Variants in DLGAP2 observed in about 807,000 individuals in gnomAD.
DLGAP2 encodes the protein disks large-associated protein 2.
DLGAP2 carries 26 observed loss-of-function variants against 100.3 expected under a neutral mutation model. The observed-to-expected ratio is 0.26, with a 90% CI of 0.19 to 0.36. DLGAP2 has a LOEUF of 0.36. DLGAP2 is among the 10% of genes least tolerant of loss of function. DLGAP2 has a pLI of 1.00. For missense variants in DLGAP2, 1,858 were observed against 1,453.2 expected, an observed-to-expected ratio of 1.28 and a Z score of -4.53; for synonymous variants, 886 against 630.1, an observed-to-expected ratio of 1.41 and a Z score of -6.08.
At chr8:1,226,125 TA>T (rs2116822612) in intron 2 of DLGAP2, among the ~76,000 whole-genome samples, 1 of 152,122 alleles carries the variant, frequency 6.6e-6, no homozygotes, top group African/African-American at 2.4e-5. Context: ...AGCAGAAAAA[TA>T]AATAGCTCAG....
chr8:1,691,415 T>A (rs1287947028), intron 12 of DLGAP2, 120 bp from the exon 13 acceptor site: 7 of 798,018 alleles, frequency 8.8e-6, no homozygotes, highest in Non-Finnish European at 1.2e-5. Flanking sequence ...CTCGGCACGA[T>A]GAAGTCGTCA....
At chr8:816,958 G>T (rs77439788) in intron 1 of DLGAP2, among the ~76,000 whole-genome samples, 4 of 152,084 alleles carry the variant, frequency 2.6e-5, no homozygotes, top group African/African-American at 7.2e-5. Flanking sequence ...GACTAACACG[G>T]TGAAACCCTG....
At chr8:1,498,185 G>A (rs550713514) in intron 3 of DLGAP2, among the ~76,000 whole-genome samples, 319 of 152,096 alleles carry the variant, frequency 2.1e-3, no homozygotes, top group Non-Finnish European at 3.5e-3. Flanking sequence ...TCTGGGTGAA[G>A]ATAAGGGGTT....
At chr8:906,969 GA>G (rs1267301860) in intron 1 of DLGAP2, among the ~76,000 whole-genome samples, 2 of 152,132 alleles carry the variant, frequency 1.3e-5, no homozygotes, top group Non-Finnish European at 2.9e-5. Flanking sequence ...GGAGAGGGGG[GA>G]TGGAGGAGAA....
chr8:1,044,693 G>A (rs964600120), intron 2 of DLGAP2, among the ~76,000 whole-genome samples: 33 of 152,188 alleles, frequency 2.2e-4, no homozygotes, highest in African/African-American at 7.2e-4. Context: ...AGAAGCTATC[G>A]GAGGAAAGTT....
chr8:1,509,033 A>G (rs967003904), intron 4 of DLGAP2, among the ~76,000 whole-genome samples: 2 of 152,182 alleles, frequency 1.3e-5, no homozygotes, highest in African/African-American at 2.4e-5. Flanking sequence ...CAAAAATACA[A>G]CAGAGAAGTA....
At chr8:1,200,456 T>G (rs1196136939) in intron 2 of DLGAP2, among the ~76,000 whole-genome samples, 2 of 152,244 alleles carry the variant, frequency 1.3e-5, no homozygotes, top group East Asian at 3.9e-4. Context: ...CACACTGCGA[T>G]GCTTGTTCCT....
chr8:1,517,213 A>G (rs1012861531), intron 4 of DLGAP2, among the ~76,000 whole-genome samples: 2 of 152,290 alleles, frequency 1.3e-5, no homozygotes, highest in South Asian at 2.1e-4. Context: ...GTGATGTTAG[A>G]AAGTGAGTTC....
chr8:1,500,682 A>G (rs11778580), intron 3 of DLGAP2, among the ~76,000 whole-genome samples: 2,583 of 152,376 alleles, frequency 0.017, 30 homozygotes, highest in Non-Finnish European at 0.028. Flanking sequence ...TGGAGGGAAG[A>G]CAGTGCTCAG....
At chr8:1,117,173 C>T (rs993871215) in intron 2 of DLGAP2, among the ~76,000 whole-genome samples, 2 of 152,038 alleles carry the variant, frequency 1.3e-5, no homozygotes, top group Non-Finnish European at 2.9e-5. Context: ...GAAAACCCAA[C>T]ACCGTCTGTT....
At position 1,489,083 on chromosome 8, in the gene DLGAP2, G is replaced by A. The variant is rs180758613; in HGVS notation, c.107-12283G>A. 1.1e-3 allele frequency among the ~76,000 whole-genome samples: 175 copies of A among 152,326 alleles called. 1 individual carries two copies. Among genetic ancestry groups the A allele is most frequent in the Admixed American group, 2.0e-3 (31 of 15,302 alleles). On this transcript the variant is annotated intron_variant, in intron 3 of 14. Coordinates refer to ENST00000637795, the MANE Select transcript of DLGAP2 (RefSeq NM_001346810.2). Reference sequence around the variant, plus strand: ...AGGAAGCAAGGTGTCACCCTGTTCAGATTCTTCCTCCAGAGTTGCTTTTCT... The same window carrying A: ...AGGAAGCAAGGTGTCACCCTGTTCAAATTCTTCCTCCAGAGTTGCTTTTCT...
intron 3 of DLGAP2, among the ~76,000 whole-genome samples, chr8:1,314,978 A>G (rs976244243): frequency 2.0e-5 from 3 of 152,232 alleles, no homozygotes; most frequent in Non-Finnish European, 2.9e-5. Context: ...CTATCCCAGC[A>G]GTTCTAAGCC....
chr8:1,116,823 G>C (rs1474621179), intron 2 of DLGAP2, among the ~76,000 whole-genome samples: 5 of 152,050 alleles, frequency 3.3e-5, no homozygotes, highest in African/African-American at 1.2e-4. Context: ...AAAAAAAAGA[G>C]AATATTCATT....
chr8:1,605,250 C>A (rs924491985), intron 6 of DLGAP2, among the ~76,000 whole-genome samples: 3 of 152,196 alleles, frequency 2.0e-5, no homozygotes, highest in Admixed American at 6.5e-5. Context: ...ACCTCCACTC[C>A]TGTGTTCTGG....
chr8:855,297 C>T (rs1406192361), intron 1 of DLGAP2, among the ~76,000 whole-genome samples: 1 of 151,826 alleles, frequency 6.6e-6, no homozygotes, highest in African/African-American at 2.4e-5. Context: ...ATGAATGCCT[C>T]TGTTTTCTAT....
intron 2 of DLGAP2, among the ~76,000 whole-genome samples, chr8:1,256,720 A>C (rs925336885): frequency 3.9e-5 from 6 of 152,162 alleles, no homozygotes; most frequent in Middle Eastern, 3.2e-3. Context: ...TTCCCGAGTG[A>C]GATGCCTTCT....
chr8:1,645,521 A>C (rs891907387), intron 8 of DLGAP2, among the ~76,000 whole-genome samples: 1 of 152,176 alleles, frequency 6.6e-6, no homozygotes, highest in South Asian at 2.1e-4. Context: ...TCCCATTGCA[A>C]GTTGAGGAGC....
chr8:1,231,161 C>A (rs1308268376), intron 2 of DLGAP2, among the ~76,000 whole-genome samples: 1 of 152,038 alleles, frequency 6.6e-6, no homozygotes, highest in South Asian at 2.1e-4. Flanking sequence ...AACAAATAGC[C>A]CCATTAAAAT....
intron 12 of DLGAP2, among the ~76,000 whole-genome samples, chr8:1,684,416 G>A (rs1218989574): frequency 6.6e-6 from 1 of 151,940 alleles, no homozygotes; most frequent in Non-Finnish European, 1.5e-5. Context: ...CTAATTTTAG[G>A]AGCAGATACA....
Sources: allele counts gnomAD v4.1 joint callset (sites outside exome capture counted in the v4.1 genomes callset), GRCh38; gene constraint gnomAD v4.1.1; transcripts MANE v1.5; gene names NCBI Gene and HGNC (gene_info 2026-07-23, HGNC 2026-07-21).